ESYT2: variants seen among roughly 807,000 people sequenced by gnomAD.
The protein encoded by ESYT2 is extended synaptotagmin-2.
ESYT2 carries 54 observed loss-of-function variants against 107.2 expected under a neutral mutation model. The ratio of observed to expected loss-of-function variants is 0.50; its 90% CI spans 0.40 to 0.63. The LOEUF (loss-of-function observed/expected upper bound fraction) is 0.63, where lower values mean the gene tolerates loss of function less well. Among genes scored for constraint, ESYT2 ranks in the 30% least tolerant of loss-of-function variants. ESYT2 has a pLI of 0.00. For synonymous variants in ESYT2, 491 were observed against 434.1 expected (o/e 1.13, Z -1.63); for missense variants, 1,020 against 1,094.5 (o/e 0.93, Z 0.96).
At chr7:158,735,447 T>C in intron 21 of ESYT2, 56 bp downstream of exon 21, 1 of 1,472,042 alleles carries the variant, frequency 6.8e-7, no homozygotes, top group Non-Finnish European at 9.5e-7. Context: ...GCACTGCAGG[T>C]AAATGTTCAA....
At chr7:158,754,635 A>G (rs1378231225) in intron 13 of ESYT2, among the ~76,000 whole-genome samples, 3 of 152,224 alleles carry the variant, frequency 2.0e-5, no homozygotes, top group Non-Finnish European at 4.4e-5. Context: ...TAGTGCAAAT[A>G]CCACTCATCT....
At chr7:158,783,593 G>A (rs1839002406) in intron 6 of ESYT2, among the ~76,000 whole-genome samples, 1 of 152,244 alleles carries the variant, frequency 6.6e-6, no homozygotes, top group African/African-American at 2.4e-5. Context: ...CAGCCAGCGT[G>A]AAACCCCTCC....
At chr7:158,755,868 G>C (rs530172608) in intron 13 of ESYT2, among the ~76,000 whole-genome samples, 22 of 152,066 alleles carry the variant, frequency 1.4e-4, no homozygotes, top group Admixed American at 6.5e-5. Flanking sequence ...GGGCCGTCAG[G>C]GGGTAGGGGG....
intron 19 of ESYT2, among the ~76,000 whole-genome samples, chr7:158,737,544 C>T (rs1334043259): frequency 6.6e-6 from 1 of 152,116 alleles, no homozygotes; most frequent in Non-Finnish European, 1.5e-5. Context: ...CAGTGCCTAC[C>T]CCTCCAGAAG....
intron 1 of ESYT2, among the ~76,000 whole-genome samples, chr7:158,811,454 A>G (rs530368524): frequency 1.3e-5 from 2 of 152,358 alleles, no homozygotes; most frequent in African/African-American, 2.4e-5. Context: ...TGTGGGTCCC[A>G]AATTATCTGC....
chr7:158,800,142 G>A (rs565085314), intron 1 of ESYT2, among the ~76,000 whole-genome samples: 29 of 149,232 alleles, frequency 1.9e-4, no homozygotes, highest in African/African-American at 6.7e-4. Flanking sequence ...TCCGCCTCCC[G>A]GGTTCAAGTG....
intron 20 of ESYT2, among the ~76,000 whole-genome samples, chr7:158,736,093 C>T (rs896445963): frequency 2.6e-5 from 4 of 152,246 alleles, no homozygotes; most frequent in Admixed American, 6.5e-5. Context: ...CTCAGCCAGA[C>T]GCTGCACTAA....
chr7:158,749,023 G>A (rs1837499435), intron 15 of ESYT2, among the ~76,000 whole-genome samples: 1 of 152,122 alleles, frequency 6.6e-6, no homozygotes, highest in Admixed American at 6.5e-5. Context: ...TTTATAGAGT[G>A]CTCAAGACAA....
At position 158,782,603 on chromosome 7, in the gene ESYT2, A is replaced by G. The variant is rs78422510; in HGVS notation, c.747+5401T>C. On this transcript the variant is annotated intron_variant, in intron 6 of 22. Coordinates refer to ENST00000275418, the MANE Select transcript of ESYT2 (RefSeq NM_001367773.1). ...CAAAGAATGAGTGTGAAGGAACAAG[A>G]GCGTGTGACAAATGAGAACATGTGA... 4.5e-3 allele frequency among the ~76,000 whole-genome samples: 676 copies of G among 151,876 alleles called. 43 individuals are homozygous for G. In the East Asian group the frequency reaches 0.12, roughly 26 times the overall value.
intron 1 of ESYT2, among the ~76,000 whole-genome samples, chr7:158,815,176 G>A (rs540304433): frequency 6.6e-6 from 1 of 152,308 alleles, no homozygotes; most frequent in African/African-American, 2.4e-5. Context: ...TCCGAGTGCA[G>A]AGAGGCAGCT....
intron 11 of ESYT2, 51 bp downstream of exon 11, chr7:158,761,445 C>CA (rs1646903334): frequency 6.4e-7 from 1 of 1,569,218 alleles, no homozygotes; most frequent in Non-Finnish European, 8.8e-7. Context: ...TGGCACAGGG[C>CA]AGGGACTCAG....
chr7:158,735,641 A>G, intron 20 of ESYT2, 33 bp from the exon 21 acceptor site: 1 of 1,554,700 alleles, frequency 6.4e-7, no homozygotes, highest in Non-Finnish European at 8.9e-7. Flanking sequence ...TACTTTATCC[A>G]TCATTCTGCT....
intron 2 of ESYT2, 61 bp from the exon 3 acceptor site, chr7:158,798,137 T>C: frequency 6.3e-7 from 1 of 1,580,144 alleles, no homozygotes; most frequent in Non-Finnish European, 8.6e-7. Flanking sequence ...CACACACGAG[T>C]GCTCGTGAGA....
intron 16 of ESYT2, among the ~76,000 whole-genome samples, chr7:158,744,425 T>C (rs1563620746): frequency 6.6e-6 from 1 of 152,240 alleles, no homozygotes; most frequent in Non-Finnish European, 1.5e-5. Context: ...TAACGATGTA[T>C]ACAGTTTCCA....
chr7:158,785,693 G>C (rs1348012706), intron 6 of ESYT2, among the ~76,000 whole-genome samples: 2 of 152,130 alleles, frequency 1.3e-5, no homozygotes, highest in African/African-American at 2.4e-5. Flanking sequence ...TACAGTAAGA[G>C]AAAGAACTAG....
intron 3 of ESYT2, among the ~76,000 whole-genome samples, chr7:158,797,535 C>T (rs1278285437): frequency 6.6e-6 from 1 of 151,016 alleles, no homozygotes; most frequent in African/African-American, 2.4e-5. Context: ...AGTGAGGCCC[C>T]GTCTGAAAAA....
intron 6 of ESYT2, among the ~76,000 whole-genome samples, chr7:158,782,401 A>AAGTGAGGTGTGAGTGTAAGAACGAGAAC (rs57668466): frequency 2.2e-5 from 3 of 135,004 alleles, no homozygotes; most frequent in African/African-American, 3.2e-5. Context: ...AACGAGAACA[A>AAGTGAGGTGTGAGTGTAAGAACGAGAAC]GTGAGTGAAC....
chr7:158,745,406 A>T (rs1837366384), intron 16 of ESYT2, among the ~76,000 whole-genome samples: 1 of 151,278 alleles, frequency 6.6e-6, no homozygotes, highest in Non-Finnish European at 1.5e-5. Flanking sequence ...AAATTCAGAG[A>T]TTTAAACGCC....
intron 17 of ESYT2, among the ~76,000 whole-genome samples, chr7:158,743,086 G>C (rs1837269668): frequency 6.6e-6 from 1 of 152,164 alleles, no homozygotes; most frequent in Non-Finnish European, 1.5e-5. Flanking sequence ...CAAATGAATC[G>C]TGATTTTGGA....
Sources: gnomAD v4.1 joint callset for allele counts (sites outside exome capture counted in the v4.1 genomes callset) on GRCh38, gnomAD v4.1.1 for gene constraint, MANE v1.5 for transcripts, NCBI Gene and HGNC (gene_info 2026-07-23, HGNC 2026-07-21) for gene names.